Variants in ST14 observed in about 807,000 individuals in gnomAD.
ST14 encodes the protein suppressor of tumorigenicity 14 protein.
Under a neutral mutation model 96.5 loss-of-function variants are expected in ST14, and 40 were observed. The observed-to-expected ratio is 0.41, with a 90% CI of 0.32 to 0.54. ST14 has a LOEUF of 0.54. Among genes scored for constraint, ST14 ranks in the 20% least tolerant of loss-of-function variants. The probability of loss-of-function intolerance (pLI) is 0.17; values close to 1 mark genes in which losing one functional copy is unlikely to be tolerated. For synonymous variants in ST14, 506 were observed against 492.1 expected, an observed-to-expected ratio of 1.03 and a Z score of -0.37; for missense variants, 1,066 against 1,188.9, an observed-to-expected ratio of 0.90 and a Z score of 1.52.
chr11:130,176,242 G>T (rs1474139384), intron 1 of ST14, among the ~76,000 whole-genome samples: 1 of 152,002 alleles, frequency 6.6e-6, no homozygotes, highest in East Asian at 1.9e-4. Context: ...TCTTTTTCTA[G>T]TTATTATAGG....
At chr11:130,177,998 A>T (rs1953157404) in intron 1 of ST14, among the ~76,000 whole-genome samples, 1 of 152,220 alleles carries the variant, frequency 6.6e-6, no homozygotes, top group South Asian at 2.1e-4. Flanking sequence ...CGCGAGCCGC[A>T]TGGAGTTCCC....
In ST14 at chr11:130,159,885, G is replaced by T. The variant is rs1952985241; in HGVS notation, c.-95G>T. On this transcript the variant is annotated 5_prime_UTR_variant, in exon 1 of 19. Coordinates refer to ENST00000278742, the MANE Select transcript of ST14 (RefSeq NM_021978.4). ...GCGCGCTGGGCCTGCCCGGAATCCCGCCGCCTGCGCCCCGCGCCCCGCGCC... is the reference window on the plus strand; with the variant it reads ...GCGCGCTGGGCCTGCCCGGAATCCCTCCGCCTGCGCCCCGCGCCCCGCGCC... 5.6e-6 allele frequency: 4 copies of T among 718,672 alleles called. No homozygotes were observed. In the East Asian group the frequency reaches 1.8e-4, roughly 33 times the overall value. The allele number at this position is 718,672 out of a possible 1,614,324, so 44.5% of individuals were successfully genotyped here. A position where few individuals can be genotyped will look rare whatever the true frequency, so the allele number is the denominator to read the frequency against.
At chr11:130,167,013 C>G (rs1215443723) in intron 1 of ST14, among the ~76,000 whole-genome samples, 1 of 152,204 alleles carries the variant, frequency 6.6e-6, no homozygotes, top group Non-Finnish European at 1.5e-5. Flanking sequence ...GAGTTCAAGA[C>G]TAGCCTGGCC....
chr11:130,188,099 C>T lies in ST14; in HGVS notation c.82-15C>T. Reference sequence around the variant, plus strand: ...GGGTGAGAGGGTCTGAGTGGTGGCGCCTCTCTCCCTGCAGAAAGTGAATGG... The same window carrying T: ...GGGTGAGAGGGTCTGAGTGGTGGCGTCTCTCTCCCTGCAGAAAGTGAATGG... On this transcript the variant is annotated splice_polypyrimidine_tract_variant and intron_variant, in intron 1 of 18. Transcript: ENST00000278742. This position sits in a 1 kb window ranked among gnomAD's most constrained non-coding sequence, Gnocchi z 5.4. 6.2e-7 allele frequency: 1 copy of T among 1,613,862 alleles called. No homozygotes were observed. The highest frequency in any genetic ancestry group is 1.3e-5 in the African/African-American group (1 of 75,014).
intron 1 of ST14, among the ~76,000 whole-genome samples, chr11:130,172,411 CTT>C (rs1173051845): frequency 2.2e-4 from 19 of 88,292 alleles, no homozygotes; most frequent in South Asian, 7.6e-4. Context: ...TGGCTGTCTT[CTT>C]TTTTTTTTTT....
intron 16 of ST14, among the ~76,000 whole-genome samples, chr11:130,200,349 C>T (rs1049256704): frequency 6.6e-6 from 1 of 152,156 alleles, no homozygotes; most frequent in African/African-American, 2.4e-5. Flanking sequence ...GTATAGGAAG[C>T]GTGGTGCCAG....
intron 1 of ST14, among the ~76,000 whole-genome samples, chr11:130,171,008 A>C (rs953252692): frequency 1.3e-5 from 2 of 152,208 alleles, no homozygotes; most frequent in African/African-American, 4.8e-5. Flanking sequence ...TATTCACATG[A>C]GTAGCAGTGA....
chr11:130,198,422 A>T lies in ST14; in HGVS notation c.1570+4A>T. On this transcript the variant is annotated splice_donor_region_variant and intron_variant, in intron 13 of 18. Coordinates refer to ENST00000278742, the MANE Select transcript of ST14 (RefSeq NM_021978.4). Reference sequence around the variant, plus strand: ...AACAGCGACGAGCAGGGGTGCAGTGAGTGCTGGGGAGGGGCTGCCTGGGCG... The same window carrying T: ...AACAGCGACGAGCAGGGGTGCAGTGTGTGCTGGGGAGGGGCTGCCTGGGCG... 6.2e-7 allele frequency: 1 copy of T among 1,604,250 alleles called. No individual in the cohort carries two copies. Among genetic ancestry groups the T allele is most frequent in the South Asian group, 1.1e-5 (1 of 90,866 alleles).
At chr11:130,194,322 C>T (rs750141295) in intron 8 of ST14, 34 bp downstream of exon 8, 52 of 1,613,452 alleles carry the variant, frequency 3.2e-5, no homozygotes, top group African/African-American at 5.3e-5. Flanking sequence ...GGACTGCCCT[C>T]GGGCCACAGA....
chr11:130,195,777 C>T lies in ST14; in HGVS notation c.1114-562C>T, dbSNP rs187696266. On this transcript the variant is annotated intron_variant, in intron 9 of 18. Transcript: ENST00000278742. ...CTGAGGCAGGAAAGTAGCTTGAACC[C>T]GGGAGTCGGAGGTTGTGGTGAGCTG... 8.2e-3 allele frequency among the ~76,000 whole-genome samples: 1,250 copies of T among 151,782 alleles called. 22 individuals are homozygous for T. Among genetic ancestry groups the T allele is most frequent in the African/African-American group, 0.028 (1,169 of 41,356 alleles).
At chr11:130,201,204 G>A (rs534618906) in intron 16 of ST14, among the ~76,000 whole-genome samples, 1 of 152,398 alleles carries the variant, frequency 6.6e-6, no homozygotes, top group East Asian at 1.9e-4. Flanking sequence ...TGCGCTATTT[G>A]TGTCTTAGCT....
At chr11:130,164,718 C>CTTATTA (rs57338069) in intron 1 of ST14, among the ~76,000 whole-genome samples, 7,393 of 141,506 alleles carry the variant, frequency 0.052, 416 homozygotes, top group African/African-American at 0.13. Flanking sequence ...CACACCCAGC[C>CTTATTA]TTATTATTAT....
chr11:130,171,932 C>A (rs1358721738), intron 1 of ST14, among the ~76,000 whole-genome samples: 1 of 152,156 alleles, frequency 6.6e-6, no homozygotes. Flanking sequence ...GACAACAAGA[C>A]CCTCCTGCCC....
chr11:130,165,552 T>G (rs1474484819), intron 1 of ST14, among the ~76,000 whole-genome samples: 1 of 152,230 alleles, frequency 6.6e-6, no homozygotes, highest in East Asian at 1.9e-4. Context: ...AGCAATATTT[T>G]GGGATTTTCC....
chr11:130,164,438 T>C (rs1388263601), intron 1 of ST14, among the ~76,000 whole-genome samples: 2 of 151,410 alleles, frequency 1.3e-5, no homozygotes, highest in African/African-American at 2.4e-5. Flanking sequence ...TTTTTTTTTT[T>C]AGACAGGGTC....
intron 1 of ST14, among the ~76,000 whole-genome samples, chr11:130,170,289 G>A (rs1402079110): frequency 6.6e-6 from 1 of 152,124 alleles, no homozygotes; most frequent in East Asian, 1.9e-4. Context: ...TTGGCAACTG[G>A]CAGATTATTC....
In ST14 at chr11:130,209,869, T is replaced by C; in HGVS notation, c.*46T>C. Reference sequence around the variant, plus strand: ...TGTACACCTGCGGGGCCACCCATCGTCCACCCCAGTGTGCACGCCTGCAGG... The same window carrying C: ...TGTACACCTGCGGGGCCACCCATCGCCCACCCCAGTGTGCACGCCTGCAGG... On this transcript the variant is annotated 3_prime_UTR_variant, in exon 19 of 19. Coordinates refer to ENST00000278742, the MANE Select transcript of ST14 (RefSeq NM_021978.4). 3 of 1,606,452 alleles carry C rather than the reference T, an allele frequency of 1.9e-6. No homozygotes were observed.
intron 9 of ST14, among the ~76,000 whole-genome samples, chr11:130,195,876 G>T (rs858711): frequency 0.83 from 122,561 of 147,800 alleles, 50,925 homozygotes; most frequent in East Asian, 0.94. Flanking sequence ...AAGAAAAGAG[G>T]CTGGGTGTGG....
chr11:130,209,923 C>G lies in ST14; in HGVS notation c.*100C>G. 1 of 1,436,876 alleles carries G rather than the reference C, an allele frequency of 7.0e-7. No homozygotes were observed. Among genetic ancestry groups the G allele is most frequent in the Non-Finnish European group, 9.6e-7 (1 of 1,046,576 alleles). 89.0% of individuals were successfully genotyped at this position (1,436,876 alleles called of 1,614,324 possible). On this transcript the variant is annotated 3_prime_UTR_variant, in exon 19 of 19. Transcript: ENST00000278742. ...GAGACTGGACCGCTGACTGCACCAG[C>G]GCCCCCAGAACATACACTGTGAACT...
Sources: gnomAD v4.1 joint callset for allele counts (sites outside exome capture counted in the v4.1 genomes callset) on GRCh38, gnomAD v4.1.1 for gene constraint, Gnocchi (gnomAD v3.1) non-coding constraint, MANE v1.5 for transcripts, NCBI Gene and HGNC (gene_info 2026-07-23, HGNC 2026-07-21) for gene names.